TRIP13: variants seen among roughly 807,000 people sequenced by gnomAD.
The protein encoded by TRIP13 is thyroid hormone receptor interactor 13, also known as pachytene checkpoint protein 2 homolog.
TRIP13 carries 25 observed loss-of-function variants against 54.4 expected under a neutral mutation model. That is an observed-to-expected ratio of 0.46 (90% confidence interval 0.33 to 0.64). The LOEUF is 0.64. Among genes scored for constraint, TRIP13 ranks in the 30% least tolerant of loss-of-function variants. The probability of loss-of-function intolerance (pLI) is 0.02; values close to 1 mark genes in which losing one functional copy is unlikely to be tolerated. For synonymous variants in TRIP13, 207 were observed against 207.8 expected, an observed-to-expected ratio of 1.00 and a Z score of 0.03; for missense variants, 373 against 534.2, an observed-to-expected ratio of 0.70 and a Z score of 2.97.
rs893230724 is a variant in TRIP13, at chr5:913,818, C to T, written c.1021-647C>T. On this transcript the variant is annotated intron_variant, in intron 10 of 12. Transcript: ENST00000166345. The surrounding 1 kb of genome is among the most constrained non-coding windows in gnomAD (Gnocchi z 4.5). The stretch of plus-strand genomic sequence containing the variant: ...TCAACAAACCTCCAAAATGTTCAGA[C>T]AATGCTATTTTCTTCCTTCTCCTTG... Among the ~76,000 whole-genome samples the T allele has an allele frequency of 1.3e-5, 2 of 152,308 alleles. No homozygotes were observed. Among genetic ancestry groups the T allele is most frequent in the East Asian group, 1.9e-4 (1 of 5,186 alleles).
intron 3 of TRIP13, 115 bp from the exon 4 acceptor site, chr5:900,379 T>G: frequency 1.0e-6 from 1 of 992,422 alleles, no homozygotes; most frequent in South Asian, 1.5e-5. Context: ...AGAATCATAG[T>G]CTTGCCTGGA....
At position 915,695 on chromosome 5, in the gene TRIP13, G is replaced by A. The variant is rs542840521; in HGVS notation, c.1134-209G>A. On this transcript the variant is annotated intron_variant, in intron 11 of 12. Transcript: ENST00000166345. The surrounding 1 kb of genome is among the most constrained non-coding windows in gnomAD (Gnocchi z 4.2). ...CAGGAGCTGAGGATGGGGAGAGACC[G>A]GCCCCATACGAGAGGCCGGGGGCAA... 2.0e-5 allele frequency among the ~76,000 whole-genome samples: 3 copies of A among 152,284 alleles called. No individual in the cohort carries two copies. Among genetic ancestry groups the A allele is most frequent in the East Asian group, 1.9e-4 (1 of 5,174 alleles).
Position 901,394 on chromosome 5 carries a change from C to T in TRIP13, c.498C>T (p.Ser166=), listed in dbSNP as rs1753986529. 1 of 1,614,178 alleles carries T rather than the reference C, an allele frequency of 6.2e-7. No homozygotes were observed. The highest frequency in any genetic ancestry group is 8.5e-7 in the Non-Finnish European group (1 of 1,180,010). The change falls in exon 5 of 13, where the codon AGC becomes AGT. Residue 166 remains serine, a synonymous_variant. Transcript: ENST00000166345. ...TLLFSDKNVN[S]NLITWNRVVL... Reference sequence around the variant, plus strand: ...TGTTTTCAGACAAGAACGTCAACAGCAACCTCATCACCTGGAACCGGGTGG... The same window carrying T: ...TGTTTTCAGACAAGAACGTCAACAGTAACCTCATCACCTGGAACCGGGTGG...
At position 900,512 on chromosome 5, in the gene TRIP13, G is replaced by A; in HGVS notation, c.407G>A (p.Trp136Ter). Residue 136 changes from tryptophan to a stop codon, truncating the protein, a stop_gained, in exon 4 of 13, where the codon TGG (tryptophan) becomes TAG (stop). Transcript: ENST00000166345. LOFTEE classifies it high-confidence loss of function. Reference protein sequence around the residue: ...VLPAAEFHGLWDSLVYDVEVK... With the variant: ...VLPAAEFHGL ...GTCACAGCTGAATTCCATGGGCTTT[G>A]GGACAGCTTGGTATACGATGTGGAA... 1 of 1,611,968 alleles carries A rather than the reference G, an allele frequency of 6.2e-7. No homozygotes were observed. Among genetic ancestry groups the A allele is most frequent in the Non-Finnish European group, 8.5e-7 (1 of 1,179,580 alleles).
intron 9 of TRIP13, among the ~76,000 whole-genome samples, chr5:909,213 G>T (rs1169130974): frequency 6.6e-6 from 1 of 152,142 alleles, no homozygotes; most frequent in East Asian, 1.9e-4. Context: ...AGGGCCTGTT[G>T]TCATTGTAGC....
At chr5:895,073 G>A (rs1753886599) in intron 2 of TRIP13, 121 bp downstream of exon 2, 1 of 1,161,198 alleles carries the variant, frequency 8.6e-7, no homozygotes, top group Middle Eastern at 2.9e-4. Flanking sequence ...GTTGGTTTGG[G>A]TGGCTAGACA....
rs149108686 is a variant in TRIP13, at chr5:911,438, G to A, written c.867-405G>A. On this transcript the variant is annotated intron_variant, in intron 9 of 12. Transcript: ENST00000166345. This position sits in a 1 kb window ranked among gnomAD's most constrained non-coding sequence, Gnocchi z 4.7. ...TACAAAAAATTAGCCGGGCACGGTG[G>A]CGGGCGCCTGTAGTCCCGGCTACTT... Among the ~76,000 whole-genome samples the A allele has an allele frequency of 2.0e-5, 3 of 152,346 alleles. No homozygotes were observed. Among genetic ancestry groups the A allele is most frequent in the African/African-American group, 4.8e-5 (2 of 41,576 alleles).
intron 5 of TRIP13, among the ~76,000 whole-genome samples, chr5:901,974 C>G: frequency 6.6e-6 from 1 of 152,332 alleles, no homozygotes; most frequent in Non-Finnish European, 1.5e-5. Flanking sequence ...TGGGGGGCCA[C>G]ATTCCAAGAC....
Position 912,076 on chromosome 5 carries a change from C to CTA in TRIP13, c.1020+81_1020+82insAT. 1 of 1,519,012 alleles carries CTA rather than the reference C, an allele frequency of 6.6e-7. No homozygotes were observed. Among genetic ancestry groups the CTA allele is most frequent in the Non-Finnish European group, 8.8e-7 (1 of 1,130,450 alleles). 94.1% of individuals were successfully genotyped at this position (1,519,012 alleles called of 1,614,324 possible). ...ATTAATTAAGATAGCTTAAAATAAG[C>CTA]TCGTTCCAGTACGGAGGATTTCAAC... On this transcript the variant is annotated intron_variant, in intron 10 of 12. Coordinates refer to ENST00000166345, the MANE Select transcript of TRIP13 (RefSeq NM_004237.4). The surrounding 1 kb of genome is among the most constrained non-coding windows in gnomAD (Gnocchi z 7.2).
chr5:893,371 GCCCTGA>G (rs747453740), intron 1 of TRIP13, among the ~76,000 whole-genome samples: 59 of 148,748 alleles, frequency 4.0e-4, no homozygotes, highest in Non-Finnish European at 6.9e-4. Flanking sequence ...CACGGACCTG[GCCCTGA>G]CCCTGCCCCT....
chr5:902,351 A>C (rs1754011135), intron 5 of TRIP13, among the ~76,000 whole-genome samples: 1 of 152,234 alleles, frequency 6.6e-6, no homozygotes, highest in African/African-American at 2.4e-5. Context: ...ACCTTAAAAC[A>C]CAATGTTCTT....
At chr5:893,410 T>C (rs981461123) in intron 1 of TRIP13, among the ~76,000 whole-genome samples, 1 of 152,152 alleles carries the variant, frequency 6.6e-6, no homozygotes, top group Non-Finnish European at 1.5e-5. Flanking sequence ...CTCCAGTGCA[T>C]TGATGTGGCC....
At chr5:895,051 G>C (rs1753886135) in intron 2 of TRIP13, 99 bp downstream of exon 2, 1 of 1,339,572 alleles carries the variant, frequency 7.5e-7, no homozygotes, top group Non-Finnish European at 1.0e-6. Context: ...TCAGAAACAG[G>C]TTCACTTCTC....
At position 908,827 on chromosome 5, in the gene TRIP13, G is replaced by A. The variant is rs1754171983; in HGVS notation, c.866+366G>A. 5 of 324,392 alleles carry A rather than the reference G, an allele frequency of 1.5e-5. No homozygotes were observed. The highest frequency in any genetic ancestry group is 2.2e-5 in the African/African-American group (1 of 45,806). 20.1% of individuals were successfully genotyped at this position (324,392 alleles called of 1,614,324 possible). On this transcript the variant is annotated intron_variant, in intron 9 of 12. Coordinates refer to ENST00000166345, the MANE Select transcript of TRIP13 (RefSeq NM_004237.4). The surrounding 1 kb of genome is among the most constrained non-coding windows in gnomAD (Gnocchi z 5.2). ...CAAAAAATTAGCTGGGCATGATGGC[G>A]GGCGCCTGTAGTCCCAGCTACTCTG...
At chr5:900,832 G>T (rs770251043) in intron 4 of TRIP13, among the ~76,000 whole-genome samples, 2 of 152,126 alleles carry the variant, frequency 1.3e-5, no homozygotes, top group Non-Finnish European at 2.9e-5. Context: ...AGCCTGGTCC[G>T]CACAAAGGAA....
Position 917,242 on chromosome 5 carries a change from G to A in TRIP13, c.*139G>A. 1.4e-6 allele frequency: 1 copy of A among 695,864 alleles called. No homozygotes were observed. Among genetic ancestry groups the A allele is most frequent in the Non-Finnish European group, 2.4e-6 (1 of 423,738 alleles). 43.1% of individuals were successfully genotyped at this position (695,864 alleles called of 1,614,324 possible). On this transcript the variant is annotated 3_prime_UTR_variant, in exon 13 of 13. Coordinates refer to ENST00000166345, the MANE Select transcript of TRIP13 (RefSeq NM_004237.4). ...GACTGCAAGCTAGAAAGCCACCAAG[G>A]CCAGGCTTTGTTAAAAGAAGTGTAT...
rs979625552 is a variant in TRIP13, at chr5:911,309, C to G, written c.867-534C>G. Among the ~76,000 whole-genome samples, 1 of 152,166 alleles carries G rather than the reference C, an allele frequency of 6.6e-6. No homozygotes were observed. The highest frequency in any genetic ancestry group is 6.5e-5 in the Admixed American group (1 of 15,284). On this transcript the variant is annotated intron_variant, in intron 9 of 12. Transcript: ENST00000166345. The surrounding 1 kb of genome is among the most constrained non-coding windows in gnomAD (Gnocchi z 4.7). ...TTGCTAGGCCGGGCGCGGTGGCTTA[C>G]GCCTGTAATCCCAGCACTTTGGGAG...
At position 917,624 on chromosome 5, in the gene TRIP13, T is replaced by TA. The variant is rs1428973348; in HGVS notation, c.*527dup. ...TGTTTTCAAGACTATTTAATGGATG[T>TA]AAAAAAGCCTATTTCTACATTATAC... On this transcript the variant is annotated 3_prime_UTR_variant, in exon 13 of 13. Transcript: ENST00000166345. The TA allele has an allele frequency of 3.3e-5, 5 of 152,414 alleles. No homozygotes were observed. Among genetic ancestry groups the TA allele is most frequent in the African/African-American group, 1.2e-4 (5 of 41,450 alleles). The allele number at this position is 152,414 out of a possible 1,614,324, so 9.4% of individuals were successfully genotyped here.
At chr5:893,585 C>G in intron 1 of TRIP13, 1 of 187,450 alleles carries the variant, frequency 5.3e-6, no homozygotes, top group Non-Finnish European at 1.2e-5. Flanking sequence ...GCACATCCCA[C>G]TCATTTGTGA....
Sources: allele counts gnomAD v4.1 joint callset (sites outside exome capture counted in the v4.1 genomes callset), GRCh38; gene constraint gnomAD v4.1.1; non-coding constraint Gnocchi (gnomAD v3.1); transcripts MANE v1.5; gene names NCBI Gene and HGNC (gene_info 2026-07-23, HGNC 2026-07-21).